The following RBFOX1 variants were observed in gnomAD, a reference collection of about 807,000 sequenced individuals.
RBFOX1 encodes RNA binding protein fox-1 homolog 1.
In RBFOX1, 8 loss-of-function variants were observed where a neutral mutation model predicts 57.7. The ratio of observed to expected loss-of-function variants is 0.14; its 90% CI spans 0.08 to 0.25. The LOEUF (loss-of-function observed/expected upper bound fraction) is 0.25, where lower values mean the gene tolerates loss of function less well. Ranked by LOEUF, RBFOX1 falls within the 10% of genes least tolerant of loss-of-function variation. The pLI, the probability that RBFOX1 is intolerant of heterozygous loss-of-function variation, is 1.00. For synonymous variants in RBFOX1, 326 were observed against 222.4 expected (o/e 1.47, Z -4.15); for missense variants, 611 against 548.5 (o/e 1.11, Z -1.14).
At chr16:5,450,757 G>A (rs1299238479) in intron 1 of RBFOX1, among the ~76,000 whole-genome samples, 2 of 152,210 alleles carry the variant, frequency 1.3e-5, no homozygotes, top group African/African-American at 4.8e-5. Flanking sequence ...GGCAGGAGTT[G>A]CTGCAGGCCC....
At chr16:6,557,048 T>TATATACATAC (rs1555548853) in intron 2 of RBFOX1, among the ~76,000 whole-genome samples, 1 of 121,180 alleles carries the variant, frequency 8.3e-6, no homozygotes, top group South Asian at 2.2e-4. Context: ...TATATATACA[T>TATATACATAC]ATATATACAT....
chr16:6,971,847 T>G (rs576901733), intron 3 of RBFOX1, among the ~76,000 whole-genome samples: 1 of 152,174 alleles, frequency 6.6e-6, no homozygotes, highest in African/African-American at 2.4e-5. Context: ...AAGTGTCTGA[T>G]GGAAGAGTCT....
chr16:5,875,379 T>C (rs1285612182), intron 4 of RBFOX1, among the ~76,000 whole-genome samples: 1 of 152,186 alleles, frequency 6.6e-6, no homozygotes, highest in African/African-American at 2.4e-5. Flanking sequence ...CTGCCATTGT[T>C]TATCTCCAGT....
chr16:5,816,007 C>G (rs1273199828), intron 3 of RBFOX1, among the ~76,000 whole-genome samples: 1 of 152,166 alleles, frequency 6.6e-6, no homozygotes, highest in African/African-American at 2.4e-5. Context: ...CTTGGGATTT[C>G]TGGGTTGAGA....
intron 2 of RBFOX1, among the ~76,000 whole-genome samples, chr16:6,385,487 G>A (rs1165841359): frequency 6.6e-6 from 1 of 152,178 alleles, no homozygotes; most frequent in South Asian, 2.1e-4. Flanking sequence ...TGCCTCCCCA[G>A]TAGCTGGGAT....
intron 4 of RBFOX1, among the ~76,000 whole-genome samples, chr16:7,338,557 T>G (rs1291255677): frequency 6.6e-6 from 1 of 152,152 alleles, no homozygotes; most frequent in African/African-American, 2.4e-5. Context: ...CTCAGCTTTT[T>G]TAAAAAAAAT....
chr16:7,446,355 G>A (rs569056315), intron 4 of RBFOX1, among the ~76,000 whole-genome samples: 3 of 152,130 alleles, frequency 2.0e-5, no homozygotes, highest in African/African-American at 7.2e-5. Context: ...AAAATGGTGT[G>A]AATCTAATTT....
chr16:6,944,881 C>T (rs148763580), intron 3 of RBFOX1, among the ~76,000 whole-genome samples: 4 of 152,088 alleles, frequency 2.6e-5, no homozygotes, highest in Admixed American at 6.6e-5. Context: ...ATGGCTGATT[C>T]GTGGGTAGCT....
intron 4 of RBFOX1, among the ~76,000 whole-genome samples, chr16:7,507,321 C>G (rs1457374032): frequency 6.6e-6 from 1 of 152,058 alleles, no homozygotes. Flanking sequence ...TTTTATTCTT[C>G]TCTCATGTGT....
chr16:6,274,780 G>A (rs1180482628), intron 1 of RBFOX1, among the ~76,000 whole-genome samples: 1 of 152,156 alleles, frequency 6.6e-6, no homozygotes, highest in Non-Finnish European at 1.5e-5. Context: ...ATTTAAAAGG[G>A]ACATTTATGA....
chr16:5,303,794 C>T (rs948846349), intron 1 of RBFOX1, among the ~76,000 whole-genome samples: 1 of 151,212 alleles, frequency 6.6e-6, no homozygotes, highest in Non-Finnish European at 1.5e-5. Flanking sequence ...TCCAATAAAG[C>T]AAAAATGATT....
intron 3 of RBFOX1, among the ~76,000 whole-genome samples, chr16:5,633,286 C>A (rs915972950): frequency 1.3e-5 from 2 of 152,130 alleles, no homozygotes; most frequent in Non-Finnish European, 2.9e-5. Flanking sequence ...AGCTCCCACT[C>A]TTCTCCCTGG....
intron 4 of RBFOX1, among the ~76,000 whole-genome samples, chr16:7,261,560 T>G (rs1275153771): frequency 6.6e-6 from 1 of 152,126 alleles, no homozygotes; most frequent in African/African-American, 2.4e-5. Flanking sequence ...AGCTCTTGCT[T>G]CTTCATCAAA....
At chr16:5,682,550 C>T (rs56127574) in intron 3 of RBFOX1, among the ~76,000 whole-genome samples, 3,673 of 152,238 alleles carry the variant, frequency 0.024, 151 homozygotes, top group African/African-American at 0.082. Flanking sequence ...CAGGACATTT[C>T]ATTAGTGTGA....
intron 14 of RBFOX1, chr16:7,693,362 C>G (rs1349303586): frequency 6.2e-7 from 1 of 1,610,214 alleles, no homozygotes; most frequent in South Asian, 1.1e-5. Context: ...TGTAACACCT[C>G]TGCAGGTAAC....
intron 3 of RBFOX1, among the ~76,000 whole-genome samples, chr16:5,689,817 G>C (rs202089055): frequency 7.1e-6 from 1 of 140,340 alleles, no homozygotes; most frequent in East Asian, 2.2e-4. Context: ...AAAAAAAAAA[G>C]AAGGAACACA....
At chr16:5,732,837 C>T (rs1158895046) in intron 3 of RBFOX1, among the ~76,000 whole-genome samples, 1 of 152,094 alleles carries the variant, frequency 6.6e-6, no homozygotes, top group Non-Finnish European at 1.5e-5. Flanking sequence ...AAGTCTTCAA[C>T]CGTGTCTTCA....
intron 2 of RBFOX1, among the ~76,000 whole-genome samples, chr16:6,613,011 GTGTGTGT>G (rs1184340915): frequency 2.6e-4 from 14 of 53,908 alleles, no homozygotes; most frequent in Non-Finnish European, 4.4e-4. Flanking sequence ...GCATGTGTGT[GTGTGTGT>G]GTGTGTGTGT....
intron 3 of RBFOX1, among the ~76,000 whole-genome samples, chr16:5,668,824 T>C (rs1425124380): frequency 5.3e-5 from 8 of 152,290 alleles, no homozygotes; most frequent in East Asian, 1.9e-4. Context: ...CTGAAGTTGC[T>C]GGAGAGGTGG....
Sources: gnomAD v4.1 joint callset for allele counts (sites outside exome capture counted in the v4.1 genomes callset) on GRCh38, gnomAD v4.1.1 for gene constraint, MANE v1.5 for transcripts, NCBI Gene and HGNC (gene_info 2026-07-23, HGNC 2026-07-21) for gene names.